DNAH11: variants seen among roughly 807,000 people sequenced by gnomAD.
The protein encoded by DNAH11 is axonemal beta dynein heavy chain 11.
In DNAH11, 442 loss-of-function variants were observed where a neutral mutation model predicts 526.0. The ratio of observed to expected loss-of-function variants is 0.84; its 90% CI spans 0.78 to 0.91. The LOEUF is 0.91. DNAH11 is among the 40% of genes least tolerant of loss of function. The probability of loss-of-function intolerance (pLI) is 0.00; values close to 1 mark genes in which losing one functional copy is unlikely to be tolerated. For synonymous variants in DNAH11, 2,461 were observed against 1,935.9 expected (o/e 1.27, Z -7.12); for missense variants, 6,989 against 5,448.7 (o/e 1.28, Z -8.90).
At chr7:21,661,933 C>T (rs1437003040) in intron 30 of DNAH11, among the ~76,000 whole-genome samples, 1 of 152,078 alleles carries the variant, frequency 6.6e-6, no homozygotes, top group Non-Finnish European at 1.5e-5. Flanking sequence ...ATTCTCCTGC[C>T]ACAGCCTCCT....
chr7:21,765,779 G>A (rs1308189671), intron 55 of DNAH11, among the ~76,000 whole-genome samples, 190 bp downstream of exon 55: 1 of 152,168 alleles, frequency 6.6e-6, no homozygotes, highest in African/African-American at 2.4e-5. Flanking sequence ...TATGATGGCT[G>A]ACCTTTTTTC....
At chr7:21,778,765 TTC>T (rs1396181804) in intron 56 of DNAH11, among the ~76,000 whole-genome samples, 191 bp from the exon 57 acceptor site, 1 of 152,224 alleles carries the variant, frequency 6.6e-6, no homozygotes, top group Non-Finnish European at 1.5e-5. Context: ...GAAAATATTA[TTC>T]TGTTTGTTCT....
chr7:21,708,490 C>T (rs570536618), intron 40 of DNAH11, among the ~76,000 whole-genome samples: 14 of 152,332 alleles, frequency 9.2e-5, no homozygotes, highest in Admixed American at 5.2e-4. Flanking sequence ...GCTGGTTTCC[C>T]TGCAGTTCAT....
Position 21,787,386 on chromosome 7 carries a change from C to G in DNAH11, c.9742-15C>G. ...CCAAAATGGGTTCATTGCAATAAAT[C>G]TTTTTGCTTTGCAGGTTGATGATTT... On this transcript the variant is annotated splice_polypyrimidine_tract_variant and intron_variant, in intron 59 of 81. Transcript: ENST00000409508. 1.9e-6 allele frequency: 3 copies of G among 1,592,584 alleles called. No homozygotes were observed. Among genetic ancestry groups the G allele is most frequent in the Non-Finnish European group, 2.6e-6 (3 of 1,168,878 alleles).
chr7:21,835,246 G>C (rs1286142956), intron 65 of DNAH11, among the ~76,000 whole-genome samples: 9 of 147,404 alleles, frequency 6.1e-5, no homozygotes, highest in Admixed American at 1.4e-4. Context: ...AAAAAACAGA[G>C]GGAGTTCTTC....
intron 28 of DNAH11, among the ~76,000 whole-genome samples, chr7:21,649,840 A>G (rs1787546459): frequency 6.6e-6 from 1 of 151,930 alleles, no homozygotes; most frequent in South Asian, 2.1e-4. Flanking sequence ...TAATTTTTGT[A>G]TTTTTAGTAG....
intron 25 of DNAH11, among the ~76,000 whole-genome samples, chr7:21,623,464 G>A (rs1244336166): frequency 1.3e-5 from 2 of 152,072 alleles, no homozygotes; most frequent in Non-Finnish European, 2.9e-5. Context: ...CCCATTACTG[G>A]GTATATACCC....
intron 81 of DNAH11, 122 bp from the exon 82 acceptor site, chr7:21,900,885 C>T: frequency 6.8e-7 from 1 of 1,463,726 alleles, no homozygotes; most frequent in South Asian, 1.6e-5. Context: ...AAAAATACCA[C>T]TGACAAGCAA....
At chr7:21,877,811 G>C (rs1305500799) in intron 74 of DNAH11, among the ~76,000 whole-genome samples, 1 of 144,572 alleles carries the variant, frequency 6.9e-6, no homozygotes, top group Non-Finnish European at 1.5e-5. Flanking sequence ...GGAGGCAGAG[G>C]TTGCAATGAG....
intron 70 of DNAH11, among the ~76,000 whole-genome samples, chr7:21,865,243 T>G (rs1783227235): frequency 6.6e-6 from 1 of 152,238 alleles, no homozygotes; most frequent in Non-Finnish European, 1.5e-5. Context: ...TGCTAAGCTT[T>G]GCCCTACTCT....
chr7:21,851,298 T>A, intron 66 of DNAH11: 1 of 256,952 alleles, frequency 3.9e-6, no homozygotes, highest in Non-Finnish European at 7.8e-6. Context: ...GAAGGACATG[T>A]TTGCTTCCCT....
At position 21,683,288 on chromosome 7, in the gene DNAH11, A is replaced by G. The variant is rs1346895652; in HGVS notation, c.5461-496A>G. ...GAATGGTTAGGATTGAGTAGATGGG[A>G]AAGAACAGCAATGAAAAATACTGTT... On this transcript the variant is annotated intron_variant, in intron 31 of 81. Transcript: ENST00000409508. Among the ~76,000 whole-genome samples, 4 of 152,322 alleles carry G rather than the reference A, an allele frequency of 2.6e-5. No homozygotes were observed. In the East Asian group the frequency reaches 7.7e-4, roughly 29 times the overall value.
chr7:21,749,312 G>A (rs112780617), intron 52 of DNAH11, among the ~76,000 whole-genome samples: 235 of 152,150 alleles, frequency 1.5e-3, no homozygotes, highest in African/African-American at 4.8e-3. Context: ...AAATAAACCC[G>A]TTTTCGAAAA....
chr7:21,782,448 C>T (rs1241029841), intron 57 of DNAH11, among the ~76,000 whole-genome samples: 2 of 152,126 alleles, frequency 1.3e-5, no homozygotes, highest in Non-Finnish European at 1.5e-5. Flanking sequence ...TTAGGGTAAA[C>T]GGTATTGAGA....
chr7:21,802,688 AAAAG>A (rs1284649429), intron 62 of DNAH11, among the ~76,000 whole-genome samples: 8 of 152,250 alleles, frequency 5.3e-5, no homozygotes, highest in Admixed American at 2.6e-4. Flanking sequence ...ATATCATGCT[AAAAG>A]AAAGAAGCCA....
At chr7:21,786,174 A>C (rs1044499160) in intron 58 of DNAH11, among the ~76,000 whole-genome samples, 1 of 152,190 alleles carries the variant, frequency 6.6e-6, no homozygotes, top group African/African-American at 2.4e-5. Flanking sequence ...TTTCTTGTAC[A>C]TGTAAGACAG....
At chr7:21,795,763 A>G (rs184894848) in intron 61 of DNAH11, among the ~76,000 whole-genome samples, 1 of 152,342 alleles carries the variant, frequency 6.6e-6, no homozygotes, top group African/African-American at 2.4e-5. Context: ...ATGCTGTTTA[A>G]TTTGCCAAGT....
chr7:21,635,313 C>T (rs183568092), intron 25 of DNAH11, among the ~76,000 whole-genome samples: 93 of 152,266 alleles, frequency 6.1e-4, no homozygotes, highest in African/African-American at 2.1e-3. Flanking sequence ...CCCGTCACCA[C>T]GCCCAGCTAA....
chr7:21,758,150 GTC>G (rs1273674853), intron 54 of DNAH11, among the ~76,000 whole-genome samples: 2 of 152,322 alleles, frequency 1.3e-5, no homozygotes, highest in East Asian at 3.9e-4. Context: ...AGCTCTGTAA[GTC>G]TCTATGCTGC....
Sources: allele counts gnomAD v4.1 joint callset (sites outside exome capture counted in the v4.1 genomes callset), GRCh38; gene constraint gnomAD v4.1.1; transcripts MANE v1.5; gene names NCBI Gene and HGNC (gene_info 2026-07-23, HGNC 2026-07-21).